Variants in ZNF608 observed in about 807,000 individuals in gnomAD.
ZNF608 encodes the protein renal carcinoma antigen NY-REN-36.
In ZNF608, 12 loss-of-function variants were observed where a neutral mutation model predicts 109.0. The observed-to-expected ratio is 0.11, with a 90% CI of 0.07 to 0.18. ZNF608 has a LOEUF of 0.18. Ranked by LOEUF, ZNF608 falls within the 10% of genes least tolerant of loss-of-function variation. The pLI is 1.00. For synonymous variants in ZNF608, 732 were observed against 717.4 expected, an observed-to-expected ratio of 1.02 and a Z score of -0.33; for missense variants, 1,707 against 1,879.3, an observed-to-expected ratio of 0.91 and a Z score of 1.70.
intron 3 of ZNF608, among the ~76,000 whole-genome samples, chr5:124,680,499 A>C (rs1385043702): frequency 6.6e-6 from 1 of 152,222 alleles, no homozygotes; most frequent in Non-Finnish European, 1.5e-5. Context: ...TGATAAAAGC[A>C]AGAGAAAAGG....
intron 2 of ZNF608, among the ~76,000 whole-genome samples, chr5:124,716,253 T>A (rs1020206356): frequency 2.7e-4 from 41 of 151,954 alleles, no homozygotes; most frequent in African/African-American, 9.9e-4. Context: ...CTTCTCTAAG[T>A]TAATCATGGG....
intron 3 of ZNF608, among the ~76,000 whole-genome samples, chr5:124,671,271 C>T (rs1262146624): frequency 2.0e-5 from 3 of 152,132 alleles, no homozygotes; most frequent in Non-Finnish European, 4.4e-5. Flanking sequence ...AATAGAGACA[C>T]ACAATATAAA....
At chr5:124,719,372 C>T (rs1345371231) in intron 2 of ZNF608, among the ~76,000 whole-genome samples, 2 of 152,204 alleles carry the variant, frequency 1.3e-5, no homozygotes, top group Non-Finnish European at 2.9e-5. Flanking sequence ...CCAGCAGGCT[C>T]CCTAATGTAT....
intron 2 of ZNF608, among the ~76,000 whole-genome samples, chr5:124,718,103 T>C (rs1043446276): frequency 1.4e-4 from 21 of 152,268 alleles, no homozygotes; most frequent in African/African-American, 5.1e-4. Flanking sequence ...TGGCCTCTTC[T>C]CTTCTTCTTT....
chr5:124,705,740 T>G (rs1292790050), intron 2 of ZNF608, among the ~76,000 whole-genome samples: 2 of 152,250 alleles, frequency 1.3e-5, no homozygotes, highest in Non-Finnish European at 2.9e-5. Flanking sequence ...AGCAGTCAAC[T>G]GGCTTAACCC....
At chr5:124,712,718 G>A (rs935283331) in intron 2 of ZNF608, among the ~76,000 whole-genome samples, 22 of 152,170 alleles carry the variant, frequency 1.4e-4, no homozygotes, top group African/African-American at 3.9e-4. Context: ...CCAGCTACCA[G>A]AAGAACAAAG....
At chr5:124,662,392 G>A (rs984478286) in intron 3 of ZNF608, among the ~76,000 whole-genome samples, 1 of 152,230 alleles carries the variant, frequency 6.6e-6, no homozygotes, top group African/African-American at 2.4e-5. Context: ...TCTGACCCCA[G>A]GTGGCACATC....
Position 124,641,275 on chromosome 5 carries a change from G to T in ZNF608, c.4427C>A (p.Pro1476Gln). The T allele has an allele frequency of 6.2e-7, 1 of 1,613,788 alleles. No individual in the cohort carries two copies. Among genetic ancestry groups the T allele is most frequent in the Non-Finnish European group, 8.5e-7 (1 of 1,180,028 alleles). ...ACCTTGAAAAGGGTCATATTGACCC[G>T]GGATTAGCGGGTAACCCATGCCAAC... ...THVGMGYPLIPGQYDPFQGLT... is the reference protein window; with the variant it reads ...THVGMGYPLIQGQYDPFQGLT... The change falls in exon 8 of 10, where the codon CCG (proline) becomes CAG (glutamine). Residue 1476 changes from proline (P) to glutamine (Q), a missense_variant. Around this residue, in one of 7 missense-constraint regions of ZNF608, gnomAD observed 1,073 missense variants for 1,133.5 expected, o/e 0.95. Coordinates refer to ENST00000513986, the MANE Select transcript of ZNF608 (RefSeq NM_020747.3).
At chr5:124,682,400 T>C (rs1752235673) in intron 3 of ZNF608, among the ~76,000 whole-genome samples, 1 of 152,216 alleles carries the variant, frequency 6.6e-6, no homozygotes, top group Non-Finnish European at 1.5e-5. Flanking sequence ...TAGGAAGCTA[T>C]TGGAAAATGT....
At chr5:124,733,521 A>G (rs1355311937) in intron 2 of ZNF608, among the ~76,000 whole-genome samples, 2 of 152,034 alleles carry the variant, frequency 1.3e-5, no homozygotes, top group African/African-American at 4.8e-5. Context: ...TTGAACTCCA[A>G]CTGTCTTGTG....
At chr5:124,708,028 C>T (rs4836112) in intron 2 of ZNF608, 92,010 of 152,100 alleles carry the variant, frequency 0.6, 29,228 homozygotes, top group African/African-American at 0.79. Context: ...ACTTTTTCCG[C>T]CTCCTTTAAT....
intron 2 of ZNF608, among the ~76,000 whole-genome samples, chr5:124,704,545 G>C (rs1753182368): frequency 6.6e-6 from 1 of 152,084 alleles, no homozygotes. Context: ...TCCCAGAGGT[G>C]TTTTTATTTG....
intron 3 of ZNF608, among the ~76,000 whole-genome samples, chr5:124,649,976 T>C (rs1750709511): frequency 6.6e-6 from 1 of 152,200 alleles, no homozygotes; most frequent in South Asian, 2.1e-4. Context: ...CAGAAGGAAA[T>C]GGTTTTTGCC....
In ZNF608 at chr5:124,710,259, C is replaced by T. The variant is rs180908114; in HGVS notation, c.907-8990G>A. 4.4e-5 allele frequency: 20 copies of T among 452,076 alleles called. No homozygotes were observed. The East Asian group carries it at 5.6e-4, about 13-fold the overall frequency. 28.0% of individuals were successfully genotyped at this position (452,076 alleles called of 1,614,324 possible). On this transcript the variant is annotated intron_variant, in intron 2 of 9. Transcript: ENST00000513986. ...AAGAAAAGCCCATTTTGGAAACCAC[C>T]GTATTCCGATTTCTCTCAGCTTAAC...
chr5:124,714,696 G>A (rs1344002430), intron 2 of ZNF608, among the ~76,000 whole-genome samples: 1 of 152,128 alleles, frequency 6.6e-6, no homozygotes, highest in Non-Finnish European at 1.5e-5. Context: ...TATCATATAA[G>A]TGCTCAACAA....
chr5:124,696,729 G>A (rs929809994), intron 3 of ZNF608, among the ~76,000 whole-genome samples: 11 of 152,160 alleles, frequency 7.2e-5, no homozygotes, highest in African/African-American at 2.7e-4. Flanking sequence ...CATCTTGATA[G>A]ACACTATCTG....
At position 124,644,422 on chromosome 5, in the gene ZNF608, A is replaced by C; in HGVS notation, c.3945T>G (p.Asp1315Glu). The change falls in exon 6 of 10, where the codon GAT (aspartate) becomes GAG (glutamate). Residue 1315 changes from aspartate (D) to glutamate (E), a missense_variant. Transcript: ENST00000513986. ...SMEESKLKND[D>E]RKTPVNWKDS... ...CCTTCCAGTTCACAGGAGTCTTTCG[A>C]TCATCATTTTTCAGCTTGCTCTCCT... The C allele has an allele frequency of 6.2e-7, 1 of 1,613,942 alleles. No individual in the cohort carries two copies. Among genetic ancestry groups the C allele is most frequent in the Non-Finnish European group, 8.5e-7 (1 of 1,179,970 alleles).
chr5:124,662,048 G>T (rs1286648415), intron 3 of ZNF608, among the ~76,000 whole-genome samples: 2 of 152,112 alleles, frequency 1.3e-5, no homozygotes, highest in East Asian at 3.9e-4. Context: ...AGGTGATTTT[G>T]TTTTTTCATG....
At chr5:124,746,803 G>T, upstream of ZNF608, 12 of 984,962 alleles carry the variant, frequency 1.2e-5, no homozygotes, top group Non-Finnish European at 1.4e-5. Flanking sequence ...AGAAAAGGAG[G>T]GGGGGAGTAG....
Sources: gnomAD v4.1 joint callset for allele counts (sites outside exome capture counted in the v4.1 genomes callset) on GRCh38, gnomAD v4.1.1 for gene constraint, gnomAD v4.1.1 regional missense constraint, MANE v1.5 for transcripts, NCBI Gene and HGNC (gene_info 2026-07-23, HGNC 2026-07-21) for gene names.